Variants in SLC35F1 observed in about 807,000 individuals in gnomAD.
The protein encoded by SLC35F1 is chromosome 6 open reading frame 169.
In SLC35F1, 14 loss-of-function variants were observed where a neutral mutation model predicts 48.7. The ratio of observed to expected loss-of-function variants is 0.29; its 90% CI spans 0.19 to 0.45. The LOEUF (loss-of-function observed/expected upper bound fraction) is 0.45. Among genes scored for constraint, SLC35F1 ranks in the 20% least tolerant of loss-of-function variants. SLC35F1 has a pLI of 1.00. For missense variants in SLC35F1, 404 were observed against 500.0 expected, an observed-to-expected ratio of 0.81 and a Z score of 1.83; for synonymous variants, 190 against 202.2, an observed-to-expected ratio of 0.94 and a Z score of 0.51.
intron 3 of SLC35F1, among the ~76,000 whole-genome samples, chr6:118,248,897 T>C (rs1775539276): frequency 6.6e-6 from 1 of 152,152 alleles, no homozygotes; most frequent in South Asian, 2.1e-4. Flanking sequence ...AGGTGGAGCC[T>C]TTGGGAGGAG....
At chr6:118,085,468 C>G (rs1302484685) in intron 1 of SLC35F1, among the ~76,000 whole-genome samples, 1 of 70,040 alleles carries the variant, frequency 1.4e-5, no homozygotes, top group African/African-American at 5.4e-5. Flanking sequence ...ATAGTTTTCT[C>G]TTTTTTTTTC....
At position 118,235,851 on chromosome 6, in the gene SLC35F1, A is replaced by G. The variant is rs186526329; in HGVS notation, c.477+215A>G. 3.9e-5 allele frequency among the ~76,000 whole-genome samples: 6 copies of G among 152,300 alleles called. No individual in the cohort carries two copies. The East Asian group carries it at 1.2e-3, about 29-fold the overall frequency. On this transcript the variant is annotated intron_variant, in intron 3 of 7. Transcript: ENST00000360388. ...AAAAATTAACTTGAACTTTATTTAT[A>G]TGTCTTAATAATCCTTTAAATTTAA...
chr6:118,286,805 T>TGTGTGTGTGTTTGTG (rs1562351393), intron 7 of SLC35F1, among the ~76,000 whole-genome samples: 4 of 143,986 alleles, frequency 2.8e-5, no homozygotes, highest in African/African-American at 1.1e-4. Flanking sequence ...GTGTGTGTGT[T>TGTGTGTGTGTTTGTG]TGTGTGTGTG....
At chr6:118,115,410 G>A (rs1773464076) in intron 1 of SLC35F1, among the ~76,000 whole-genome samples, 1 of 152,200 alleles carries the variant, frequency 6.6e-6, no homozygotes, top group Admixed American at 6.6e-5. Flanking sequence ...CAAGGACAGA[G>A]TGGTGGTTTT....
intron 2 of SLC35F1, among the ~76,000 whole-genome samples, chr6:118,203,518 T>G (rs1223211685): frequency 2.6e-5 from 4 of 152,212 alleles, no homozygotes; most frequent in Admixed American, 2.0e-4. Flanking sequence ...AATCCCACAG[T>G]GCTTAATCTA....
chr6:118,276,316 G>T (rs1381392821), intron 5 of SLC35F1, among the ~76,000 whole-genome samples: 1 of 152,192 alleles, frequency 6.6e-6, no homozygotes, highest in Admixed American at 6.5e-5. Flanking sequence ...CATGAAGAAT[G>T]ATAGTATAAC....
chr6:118,079,788 C>A (rs1772878151), intron 1 of SLC35F1, among the ~76,000 whole-genome samples: 1 of 152,152 alleles, frequency 6.6e-6, no homozygotes, highest in Admixed American at 6.5e-5. Context: ...CCCCTAACCT[C>A]TCTGGTTTGA....
intron 6 of SLC35F1, among the ~76,000 whole-genome samples, chr6:118,281,703 C>T (rs1775986879): frequency 6.6e-6 from 1 of 152,162 alleles, no homozygotes; most frequent in African/African-American, 2.4e-5. Context: ...TTGTGAGTAA[C>T]TCCCTGGTAT....
At chr6:118,311,029 T>A (rs1776366243) in intron 7 of SLC35F1, among the ~76,000 whole-genome samples, 1 of 152,154 alleles carries the variant, frequency 6.6e-6, no homozygotes, top group South Asian at 2.1e-4. Flanking sequence ...ACCACTACAT[T>A]ATTTCAATTG....
chr6:118,239,185 G>T (rs1004372108), intron 3 of SLC35F1, among the ~76,000 whole-genome samples: 1 of 150,280 alleles, frequency 6.7e-6, no homozygotes, highest in Non-Finnish European at 1.5e-5. Context: ...TTCATAGCAA[G>T]GATAGTCTCT....
chr6:118,154,278 G>C (rs1237965628), intron 1 of SLC35F1, among the ~76,000 whole-genome samples, 167 bp from the exon 2 acceptor site: 2 of 152,162 alleles, frequency 1.3e-5, no homozygotes, highest in East Asian at 3.8e-4. Context: ...TAAAATCTCA[G>C]TAATCATTGC....
rs1040366834 is a variant in SLC35F1 at position 118,130,623 on chromosome 6, TC to T, written c.174-23821del. On this transcript the variant is annotated intron_variant, in intron 1 of 7. Coordinates refer to ENST00000360388, the MANE Select transcript of SLC35F1 (RefSeq NM_001029858.4). The stretch of plus-strand genomic sequence containing the variant: ...CACCAAAGGCATAATACTTGGCCAA[TC>T]ACATTACACAATGCCAAATGTTCAG... Among the ~76,000 whole-genome samples, 41 of 152,294 alleles carry T rather than the reference TC, an allele frequency of 2.7e-4. 1 individual carries two copies. The highest frequency in any genetic ancestry group is 9.9e-4 in the African/African-American group (41 of 41,560).
At chr6:118,230,282 GT>G (rs1172886564) in intron 2 of SLC35F1, among the ~76,000 whole-genome samples, 20 of 151,732 alleles carry the variant, frequency 1.3e-4, no homozygotes, top group Non-Finnish European at 1.9e-4. Context: ...GGAGGTTGCA[GT>G]GAGCCGAGAT....
At chr6:118,136,574 G>A (rs376727368) in intron 1 of SLC35F1, among the ~76,000 whole-genome samples, 5 of 152,096 alleles carry the variant, frequency 3.3e-5, no homozygotes, top group Admixed American at 6.5e-5. Flanking sequence ...CCTCATTAAC[G>A]CATCTCCTTC....
chr6:118,296,988 TA>T (rs1776194554), intron 7 of SLC35F1, among the ~76,000 whole-genome samples: 1 of 152,104 alleles, frequency 6.6e-6, no homozygotes, highest in Non-Finnish European at 1.5e-5. Context: ...TGCTAAGATG[TA>T]AAACAAAGAT....
chr6:118,162,979 G>A (rs149181705), intron 2 of SLC35F1, among the ~76,000 whole-genome samples: 2,894 of 144,522 alleles, frequency 0.02, 100 homozygotes, highest in African/African-American at 0.066. Flanking sequence ...TTTTTTTGAG[G>A]CGGGGTCTCA....
chr6:117,962,633 C>T (rs914756461), intron 1 of SLC35F1, among the ~76,000 whole-genome samples: 4 of 152,106 alleles, frequency 2.6e-5, no homozygotes, highest in African/African-American at 9.7e-5. Flanking sequence ...AAGATGTGAA[C>T]GCCCACCACT....
chr6:118,219,721 AT>A (rs1466590987), intron 2 of SLC35F1, among the ~76,000 whole-genome samples: 1 of 152,212 alleles, frequency 6.6e-6, no homozygotes, highest in Non-Finnish European at 1.5e-5. Flanking sequence ...CATGCTACGT[AT>A]GTTTATTGCA....
chr6:118,154,837 G>C (rs892175862), intron 2 of SLC35F1, among the ~76,000 whole-genome samples: 5 of 152,192 alleles, frequency 3.3e-5, no homozygotes, highest in Admixed American at 6.5e-5. Context: ...GGAACTGCAT[G>C]TATAGGCAAA....
Sources: allele counts gnomAD v4.1 joint callset (sites outside exome capture counted in the v4.1 genomes callset), GRCh38; gene constraint gnomAD v4.1.1; transcripts MANE v1.5; gene names NCBI Gene and HGNC (gene_info 2026-07-23, HGNC 2026-07-21).